IFTAP: variants seen among roughly 807,000 people sequenced by gnomAD.
IFTAP encodes the protein intraflagellar transport-associated protein.
Under a neutral mutation model 19.4 loss-of-function variants are expected in IFTAP, and 19 were observed. That is an observed-to-expected ratio of 0.98 (90% confidence interval 0.68 to 1.44). IFTAP has a LOEUF of 1.44. IFTAP is among the 40% of genes most tolerant of loss of function. IFTAP has a pLI of 0.00. For synonymous variants in IFTAP, 85 were observed against 83.5 expected (o/e 1.02, Z -0.10); for missense variants, 240 against 253.6 (o/e 0.95, Z 0.36).
chr11:36,645,568 AT>A (rs200797525), intron 4 of IFTAP, among the ~76,000 whole-genome samples: 21 of 151,922 alleles, frequency 1.4e-4, no homozygotes, highest in African/African-American at 2.2e-4. Context: ...TGAATACAGT[AT>A]TTTTTTTCTC....
At chr11:36,627,611 T>C (rs1852564800) in intron 2 of IFTAP, among the ~76,000 whole-genome samples, 1 of 151,382 alleles carries the variant, frequency 6.6e-6, no homozygotes, top group Admixed American at 6.6e-5. Context: ...GTTGATATTG[T>C]CACCAGCAGC....
chr11:36,626,194 A>G (rs1376151794), intron 2 of IFTAP, among the ~76,000 whole-genome samples: 2 of 151,350 alleles, frequency 1.3e-5, no homozygotes, highest in African/African-American at 2.5e-5. Context: ...CTGCAAAAAT[A>G]TATGTCCTCG....
chr11:36,615,639 C>T (rs1350179206), intron 2 of IFTAP, among the ~76,000 whole-genome samples: 75 of 125,204 alleles, frequency 6.0e-4, no homozygotes, highest in Non-Finnish European at 7.7e-4. Flanking sequence ...CCTTCACATC[C>T]CTTGTAAGTT....
chr11:36,656,620 T>C (rs562347096), intron 5 of IFTAP, among the ~76,000 whole-genome samples: 2 of 152,212 alleles, frequency 1.3e-5, no homozygotes, highest in South Asian at 4.1e-4. Flanking sequence ...CTCTCTATGC[T>C]TCTGTTTCCC....
chr11:36,610,758 T>C (rs1851850893), intron 2 of IFTAP, among the ~76,000 whole-genome samples: 1 of 152,150 alleles, frequency 6.6e-6, no homozygotes, highest in African/African-American at 2.4e-5. Flanking sequence ...ACTCTTAGTG[T>C]AGTGACTAAT....
intron 2 of IFTAP, among the ~76,000 whole-genome samples, chr11:36,629,733 A>T (rs2133442844): frequency 6.6e-6 from 1 of 151,432 alleles, no homozygotes; most frequent in East Asian, 1.9e-4. Flanking sequence ...GTCTGAAATT[A>T]GACCCTATAG....
rs114469615 is a variant in IFTAP, at chr11:36,608,290, T to C, written c.-23-1791T>C. ...AGATACTTAAAGGTTTTTAGAATTT[T>C]ATATCATACACATGCTATTTGTATT... On this transcript the variant is annotated intron_variant, in intron 1 of 5. Coordinates refer to ENST00000334307, the MANE Select transcript of IFTAP (RefSeq NM_138787.4). Among the ~76,000 whole-genome samples, 116 of 152,354 alleles carry C rather than the reference T, an allele frequency of 7.6e-4. 1 individual carries two copies. Among genetic ancestry groups the C allele is most frequent in the African/African-American group, 2.7e-3 (113 of 41,576 alleles).
chr11:36,654,750 T>G (rs992211313), intron 5 of IFTAP, among the ~76,000 whole-genome samples: 1 of 152,172 alleles, frequency 6.6e-6, no homozygotes, highest in Admixed American at 6.6e-5. Context: ...TTCTTCCTTT[T>G]TTTTACATTT....
chr11:36,658,508 G>A (rs921622909), intron 5 of IFTAP, among the ~76,000 whole-genome samples: 1 of 152,136 alleles, frequency 6.6e-6, no homozygotes, highest in Non-Finnish European at 1.5e-5. Context: ...AAGTTTTACT[G>A]TTATTAGCCA....
At chr11:36,644,766 T>C (rs139627306) in intron 4 of IFTAP, among the ~76,000 whole-genome samples, 20,231 of 146,798 alleles carry the variant, frequency 0.14, 2,062 homozygotes, top group African/African-American at 0.29. Context: ...AACCAAACAC[T>C]GAATGTTCTC....
chr11:36,618,293 A>G (rs563079929), intron 2 of IFTAP, among the ~76,000 whole-genome samples: 9 of 152,078 alleles, frequency 5.9e-5, no homozygotes, highest in African/African-American at 1.9e-4. Flanking sequence ...GAGTTAGACT[A>G]TGGTCCTAAT....
intron 5 of IFTAP, among the ~76,000 whole-genome samples, chr11:36,652,665 C>T (rs1424579532): frequency 3.3e-5 from 5 of 152,128 alleles, no homozygotes; most frequent in East Asian, 1.9e-4. Flanking sequence ...TTTTTGCCCA[C>T]TCAGTATGAT....
At chr11:36,649,117 T>C (rs1308244392) in intron 5 of IFTAP, among the ~76,000 whole-genome samples, 2 of 152,134 alleles carry the variant, frequency 1.3e-5, no homozygotes, top group Non-Finnish European at 2.9e-5. Flanking sequence ...AACAAAATCC[T>C]TAGGGTCTTT....
intron 1 of IFTAP, among the ~76,000 whole-genome samples, chr11:36,595,586 C>G (rs1285135695): frequency 6.6e-6 from 1 of 152,354 alleles, no homozygotes; most frequent in East Asian, 1.9e-4. Flanking sequence ...AATCCTGGCT[C>G]TGCCACTAAC....
chr11:36,596,663 C>T (rs1851274319), intron 1 of IFTAP, among the ~76,000 whole-genome samples: 1 of 152,160 alleles, frequency 6.6e-6, no homozygotes, highest in Non-Finnish European at 1.5e-5. Context: ...GTGGGGGGAA[C>T]ACCAAAGCCA....
chr11:36,628,044 T>C (rs1322550833), intron 2 of IFTAP, among the ~76,000 whole-genome samples: 5 of 149,922 alleles, frequency 3.3e-5, no homozygotes, highest in African/African-American at 1.3e-4. Flanking sequence ...CAGGCCACCA[T>C]AGCTGAAGCT....
At chr11:36,629,742 A>G (rs1179152117) in intron 2 of IFTAP, among the ~76,000 whole-genome samples, 1 of 151,220 alleles carries the variant, frequency 6.6e-6, no homozygotes, top group Non-Finnish European at 1.5e-5. Context: ...TAGACCCTAT[A>G]GGTGTGGTGG....
At chr11:36,599,918 A>G (rs1445419512) in intron 1 of IFTAP, among the ~76,000 whole-genome samples, 1 of 152,258 alleles carries the variant, frequency 6.6e-6, no homozygotes, top group East Asian at 1.9e-4. Flanking sequence ...CAAAATAAGA[A>G]ATGCAAAAAT....
intron 5 of IFTAP, among the ~76,000 whole-genome samples, chr11:36,654,298 C>T (rs985946978): frequency 6.6e-6 from 1 of 151,970 alleles, no homozygotes; most frequent in Non-Finnish European, 1.5e-5. Flanking sequence ...TTGGTTCTCA[C>T]TTCACTTTTC....
Sources: allele counts gnomAD v4.1 joint callset (sites outside exome capture counted in the v4.1 genomes callset), GRCh38; gene constraint gnomAD v4.1.1; transcripts MANE v1.5; gene names NCBI Gene and HGNC (gene_info 2026-07-23, HGNC 2026-07-21).